Variants in COL19A1 observed in about 807,000 individuals in gnomAD.
The protein encoded by COL19A1 is collagen alpha-1(XIX) chain.
In COL19A1, 159 loss-of-function variants were observed where a neutral mutation model predicts 190.2. That is an observed-to-expected ratio of 0.84 (90% confidence interval 0.73 to 0.95). The LOEUF is 0.95. COL19A1 is among the 40% of genes least tolerant of loss of function. COL19A1 has a pLI of 0.00. For synonymous variants in COL19A1, 509 were observed against 458.9 expected (o/e 1.11, Z -1.39); for missense variants, 1,418 against 1,431.9 (o/e 0.99, Z 0.16).
intron 15 of COL19A1, among the ~76,000 whole-genome samples, chr6:70,092,670 TCAGA>T (rs1230304192): frequency 2.0e-5 from 3 of 152,190 alleles, no homozygotes; most frequent in Non-Finnish European, 2.9e-5. Context: ...TCTTCATTTG[TCAGA>T]CAGTTATTGA....
intron 9 of COL19A1, among the ~76,000 whole-genome samples, chr6:69,943,970 A>G (rs1336927457): frequency 1.3e-5 from 2 of 152,090 alleles, no homozygotes; most frequent in Non-Finnish European, 2.9e-5. Flanking sequence ...AGCTCTAACC[A>G]TGGGCTATGA....
intron 2 of COL19A1, among the ~76,000 whole-genome samples, chr6:69,888,744 C>T (rs934884610): frequency 2.0e-5 from 3 of 149,956 alleles, no homozygotes; most frequent in African/African-American, 4.9e-5. Context: ...CGCCACTGCA[C>T]TCCATCCTGG....
chr6:70,035,766 A>T, intron 13 of COL19A1, 138 bp from the exon 14 acceptor site: 1 of 643,880 alleles, frequency 1.6e-6, no homozygotes, highest in Non-Finnish European at 2.7e-6. Context: ...TTATGCAGAG[A>T]CTTTTATCAG....
At chr6:70,194,544 A>G (rs1767075788) in intron 48 of COL19A1, among the ~76,000 whole-genome samples, 1 of 152,196 alleles carries the variant, frequency 6.6e-6, no homozygotes, top group Non-Finnish European at 1.5e-5. Flanking sequence ...ATTGTCCAAC[A>G]AGTCAAGTCC....
chr6:70,091,062 A>G (rs1298987734), intron 15 of COL19A1, among the ~76,000 whole-genome samples: 2 of 152,168 alleles, frequency 1.3e-5, no homozygotes, highest in African/African-American at 4.8e-5. Context: ...ATAACTCTGT[A>G]CTGCCTTACC....
intron 4 of COL19A1, among the ~76,000 whole-genome samples, chr6:69,910,134 A>G (rs985735996): frequency 6.6e-6 from 1 of 152,160 alleles, no homozygotes; most frequent in African/African-American, 2.4e-5. Context: ...CAGCACCTCA[A>G]AAAATAAGGC....
chr6:69,879,822 G>A, intron 2 of COL19A1, 164 bp downstream of exon 2: 2 of 647,772 alleles, frequency 3.1e-6, no homozygotes, highest in South Asian at 2.2e-5. Flanking sequence ...ATGCACATTA[G>A]GAATTCCTAA....
At chr6:69,882,056 A>G (rs1768595312) in intron 2 of COL19A1, among the ~76,000 whole-genome samples, 1 of 152,154 alleles carries the variant, frequency 6.6e-6, no homozygotes, top group Non-Finnish European at 1.5e-5. Context: ...CAAATCTGAG[A>G]GAGAGTCTAG....
At chr6:69,869,590 G>A (rs1193601335) in intron 1 of COL19A1, among the ~76,000 whole-genome samples, 1 of 152,026 alleles carries the variant, frequency 6.6e-6, no homozygotes, top group East Asian at 1.9e-4. Flanking sequence ...TTGAAAATAC[G>A]GCCATATATT....
chr6:70,066,925 A>G (rs1422998170), intron 14 of COL19A1, among the ~76,000 whole-genome samples: 1 of 152,162 alleles, frequency 6.6e-6, no homozygotes, highest in East Asian at 1.9e-4. Flanking sequence ...TTTGAAAATT[A>G]CTGCCTTTAT....
chr6:70,094,552 ATCT>A (rs1440015221), intron 15 of COL19A1, among the ~76,000 whole-genome samples: 4 of 152,154 alleles, frequency 2.6e-5, no homozygotes, highest in African/African-American at 9.7e-5. Flanking sequence ...CTGTAACCTC[ATCT>A]TCTTCATCAT....
intron 2 of COL19A1, among the ~76,000 whole-genome samples, chr6:69,889,354 C>T (rs565492865): frequency 5.0e-4 from 76 of 152,178 alleles, no homozygotes; most frequent in African/African-American, 1.8e-3. Context: ...TGATATGTTA[C>T]AATTTCTCAG....
At chr6:70,112,972 A>C (rs1784367321) in intron 16 of COL19A1, among the ~76,000 whole-genome samples, 1 of 152,232 alleles carries the variant, frequency 6.6e-6, no homozygotes, top group South Asian at 2.1e-4. Context: ...CCAAAGTGGC[A>C]GATGTGAAAA....
intron 15 of COL19A1, among the ~76,000 whole-genome samples, chr6:70,085,728 T>A (rs1204196660): frequency 1.5e-5 from 2 of 134,578 alleles, no homozygotes; most frequent in Non-Finnish European, 3.2e-5. Context: ...ACCATATATC[T>A]AACCTCTTGA....
Position 70,207,366 on chromosome 6 carries a change from T to C in COL19A1, c.*92T>C. On this transcript the variant is annotated 3_prime_UTR_variant, in exon 51 of 51. Transcript: ENST00000620364. The stretch of plus-strand genomic sequence containing the variant: ...AAACCCTCATCATCTGTGGGTTGCT[T>C]TTTTTTTTTTTTTTTTTTTTTGGGA... The C allele has an allele frequency of 4.1e-5, 20 of 492,422 alleles. No homozygotes were observed. In the East Asian group the frequency reaches 5.2e-4, roughly 13 times the overall value. The allele number at this position is 492,422 out of a possible 1,614,324, so 30.5% of individuals were successfully genotyped here. A position where few individuals can be genotyped will look rare whatever the true frequency, so the allele number is the denominator to read the frequency against.
chr6:70,004,243 TG>T, intron 11 of COL19A1, among the ~76,000 whole-genome samples: 1 of 152,256 alleles, frequency 6.6e-6, no homozygotes, highest in Non-Finnish European at 1.5e-5. Flanking sequence ...AAAGGTCTGC[TG>T]TTAGTCTGAT....
intron 15 of COL19A1, among the ~76,000 whole-genome samples, chr6:70,080,670 G>T (rs1364335124): frequency 1.3e-5 from 2 of 152,038 alleles, no homozygotes; most frequent in Non-Finnish European, 2.9e-5. Flanking sequence ...ATTGCTTTTG[G>T]CAACTTTCAC....
chr6:69,868,557 T>TA (rs1236117776), intron 1 of COL19A1, among the ~76,000 whole-genome samples: 2 of 152,136 alleles, frequency 1.3e-5, no homozygotes, highest in African/African-American at 4.8e-5. Context: ...CTAAGGGACC[T>TA]AAATGGGGTT....
chr6:69,999,567 C>A (rs1000491358), intron 11 of COL19A1, among the ~76,000 whole-genome samples: 1 of 151,994 alleles, frequency 6.6e-6, no homozygotes, highest in African/African-American at 2.4e-5. Context: ...ATTTAAAAAC[C>A]TTTTTAGAAA....
Sources: allele counts gnomAD v4.1 joint callset (sites outside exome capture counted in the v4.1 genomes callset), GRCh38; gene constraint gnomAD v4.1.1; transcripts MANE v1.5; gene names NCBI Gene and HGNC (gene_info 2026-07-23, HGNC 2026-07-21).